Variants in TMEM192 observed in about 807,000 individuals in gnomAD.
TMEM192 encodes the protein transmembrane protein 192.
TMEM192 carries 20 observed loss-of-function variants against 26.7 expected under a neutral mutation model. The ratio of observed to expected loss-of-function variants is 0.75; its 90% CI spans 0.53 to 1.09. The LOEUF is 1.09. TMEM192 is among the 50% of genes least tolerant of loss of function. The pLI, the probability that TMEM192 is intolerant of heterozygous loss-of-function variation, is 0.00. For synonymous variants in TMEM192, 124 were observed against 121.0 expected (o/e 1.02, Z -0.16); for missense variants, 304 against 322.6 (o/e 0.94, Z 0.44).
intron 3 of TMEM192, among the ~76,000 whole-genome samples, chr4:165,091,832 C>T (rs1407968883): frequency 6.6e-6 from 1 of 152,078 alleles, no homozygotes; most frequent in Non-Finnish European, 1.5e-5. Context: ...AAAAGTGATG[C>T]CATTTTTAGA....
chr4:165,101,542 A>C (rs1735039211), intron 2 of TMEM192, among the ~76,000 whole-genome samples: 2 of 152,014 alleles, frequency 1.3e-5, no homozygotes, highest in African/African-American at 2.4e-5. Flanking sequence ...AATTTTAAGA[A>C]GTTTTTATAG....
intron 4 of TMEM192, among the ~76,000 whole-genome samples, chr4:165,086,338 G>T (rs920991172): frequency 7.9e-5 from 12 of 152,098 alleles, no homozygotes; most frequent in African/African-American, 2.7e-4. Context: ...GGGTGTGAGG[G>T]TGTATGGACA....
intron 3 of TMEM192, among the ~76,000 whole-genome samples, chr4:165,097,569 CTT>C (rs574785092): frequency 1.3e-4 from 14 of 107,962 alleles, no homozygotes; most frequent in Non-Finnish European, 2.4e-4. Flanking sequence ...TCTGTGGAGC[CTT>C]TTTTTTTTTT....
At chr4:165,090,194 A>C (rs932990593) in intron 3 of TMEM192, among the ~76,000 whole-genome samples, 3 of 140,398 alleles carry the variant, frequency 2.1e-5, no homozygotes, top group Admixed American at 7.6e-5. Flanking sequence ...CTGGGCAACA[A>C]GAGCGAAACT....
At chr4:165,089,222 G>C (rs1032733499) in intron 3 of TMEM192, among the ~76,000 whole-genome samples, 4 of 151,908 alleles carry the variant, frequency 2.6e-5, no homozygotes, top group African/African-American at 9.7e-5. Context: ...GGTTCTTCTC[G>C]GCCTCTCTGT....
chr4:165,105,870 C>T (rs988330024), intron 1 of TMEM192, among the ~76,000 whole-genome samples: 17 of 152,154 alleles, frequency 1.1e-4, no homozygotes, highest in Non-Finnish European at 2.4e-4. Context: ...TCCCTGCTTT[C>T]CTTTGGGAAG....
At chr4:165,107,321 C>CT (rs113293161) in intron 1 of TMEM192, among the ~76,000 whole-genome samples, 3,075 of 147,196 alleles carry the variant, frequency 0.021, 38 homozygotes, top group South Asian at 0.035. Context: ...TGTACCCAAC[C>CT]TTTTTTTTTA....
intron 3 of TMEM192, among the ~76,000 whole-genome samples, chr4:165,099,802 A>G (rs1209580819): frequency 6.6e-6 from 1 of 152,072 alleles, no homozygotes; most frequent in Non-Finnish European, 1.5e-5. Context: ...TAAAAAAATT[A>G]GCCGGGTGTG....
intron 5 of TMEM192, among the ~76,000 whole-genome samples, chr4:165,081,388 AT>A (rs1194167956): frequency 8.4e-4 from 118 of 139,752 alleles, no homozygotes; most frequent in Non-Finnish European, 7.4e-4. Context: ...CCGAGTCTCT[AT>A]TTTTTTTTTT....
intron 1 of TMEM192, among the ~76,000 whole-genome samples, chr4:165,108,292 T>G (rs1735215715): frequency 6.6e-6 from 1 of 151,908 alleles, no homozygotes; most frequent in Non-Finnish European, 1.5e-5. Context: ...CGGCTAATTT[T>G]TTGTACTTTT....
At chr4:165,085,526 A>C in intron 5 of TMEM192, 60 bp downstream of exon 5, 1 of 1,079,246 alleles carries the variant, frequency 9.3e-7, no homozygotes, top group Admixed American at 2.2e-5. Flanking sequence ...CAAGCATCAG[A>C]ATGGTTTCTA....
chr4:165,106,334 C>A (rs1448656720), intron 1 of TMEM192, among the ~76,000 whole-genome samples: 4 of 152,186 alleles, frequency 2.6e-5, no homozygotes, highest in African/African-American at 7.2e-5. Context: ...AGCTTCCAGT[C>A]TTCTGGTCTT....
At chr4:165,112,449 C>A (rs1222293691) in intron 1 of TMEM192, among the ~76,000 whole-genome samples, 2 of 152,228 alleles carry the variant, frequency 1.3e-5, no homozygotes, top group African/African-American at 4.8e-5. Context: ...AAGACGTACC[C>A]CGCACGTGGG....
intron 3 of TMEM192, 93 bp from the exon 4 acceptor site, chr4:165,088,695 A>G: frequency 7.9e-7 from 1 of 1,260,562 alleles, no homozygotes; most frequent in Non-Finnish European, 1.1e-6. Flanking sequence ...GGTTCCTTAC[A>G]CAGAGCTCCT....
intron 2 of TMEM192, among the ~76,000 whole-genome samples, chr4:165,101,522 A>C (rs1263888878): frequency 2.6e-5 from 4 of 152,102 alleles, no homozygotes; most frequent in African/African-American, 9.7e-5. Flanking sequence ...CTGTGCCACC[A>C]TGCCTGGCCA....
At chr4:165,088,874 A>G (rs1734686371) in intron 3 of TMEM192, among the ~76,000 whole-genome samples, 1 of 151,510 alleles carries the variant, frequency 6.6e-6, no homozygotes, top group African/African-American at 2.4e-5. Context: ...CCCCATCTCT[A>G]TAAAAAAATA....
intron 1 of TMEM192, among the ~76,000 whole-genome samples, chr4:165,106,639 T>C (rs936578721): frequency 2.6e-5 from 4 of 152,230 alleles, no homozygotes; most frequent in Admixed American, 2.6e-4. Context: ...CCTTAATTCC[T>C]GCCTTTGGAC....
At chr4:165,103,567 T>A (rs1735096132) in intron 1 of TMEM192, among the ~76,000 whole-genome samples, 1 of 145,572 alleles carries the variant, frequency 6.9e-6, no homozygotes. Flanking sequence ...CAGGCTGGAG[T>A]GCACTGGCAC....
rs1403524863 is a variant in TMEM192, at chr4:165,084,683, T to C, written c.677+903A>G. On this transcript the variant is annotated intron_variant, in intron 5 of 5. Coordinates refer to ENST00000306480, the MANE Select transcript of TMEM192 (RefSeq NM_001100389.2). ...CAGCACTTTGGGAGGCCGAGGTGGATGGATCACTTGAGGTCAGGAGTTTGA... is the reference window on the plus strand; with the variant it reads ...CAGCACTTTGGGAGGCCGAGGTGGACGGATCACTTGAGGTCAGGAGTTTGA... 1.3e-4 allele frequency among the ~76,000 whole-genome samples: 19 copies of C among 146,664 alleles called. No individual in the cohort carries two copies. The Middle Eastern group carries it at 0.016, about 126-fold the overall frequency.
Sources: gnomAD v4.1 joint callset for allele counts (sites outside exome capture counted in the v4.1 genomes callset) on GRCh38, gnomAD v4.1.1 for gene constraint, MANE v1.5 for transcripts, NCBI Gene and HGNC (gene_info 2026-07-23, HGNC 2026-07-21) for gene names.